LRBA: variants seen among roughly 807,000 people sequenced by gnomAD.
The protein encoded by LRBA is LPS responsive beige-like anchor protein.
In LRBA, 176 loss-of-function variants were observed where a neutral mutation model predicts 330.0. That is an observed-to-expected ratio of 0.53 (90% CI 0.47 to 0.60). The LOEUF (loss-of-function observed/expected upper bound fraction) is 0.60. Ranked by LOEUF, LRBA falls within the 20% of genes least tolerant of loss-of-function variation. LRBA has a pLI of 0.00. For synonymous variants in LRBA, 1,230 were observed against 1,193.0 expected, an observed-to-expected ratio of 1.03 and a Z score of -0.64; for missense variants, 3,259 against 3,444.8, an observed-to-expected ratio of 0.95 and a Z score of 1.35.
intron 5 of LRBA, among the ~76,000 whole-genome samples, chr4:150,918,385 G>A (rs1040894892): frequency 6.6e-6 from 1 of 152,110 alleles, no homozygotes; most frequent in Non-Finnish European, 1.5e-5. Context: ...TAGTCATAAA[G>A]GAAATGCAAA....
chr4:150,929,080 A>C lies in LRBA; in HGVS notation c.217-15T>G, dbSNP rs1734185489. ...CCTCCTACCAACTTACAAGGAAAAA[A>C]AAAAAACACATTAAAAGCATTAGTA... On this transcript the variant is annotated splice_polypyrimidine_tract_variant and intron_variant, in intron 2 of 56. Transcript: ENST00000651943. The C allele has an allele frequency of 6.5e-7, 1 of 1,543,938 alleles. No individual in the cohort carries two copies. The highest frequency in any genetic ancestry group is 8.9e-7 in the Non-Finnish European group (1 of 1,123,926).
At chr4:150,807,738 C>T (rs1451913394) in intron 32 of LRBA, among the ~76,000 whole-genome samples, 1 of 151,944 alleles carries the variant, frequency 6.6e-6, no homozygotes, top group African/African-American at 2.4e-5. Flanking sequence ...CTCTGCCTCC[C>T]GGGTTCAAGT....
In LRBA at chr4:150,837,185, T is replaced by C. The variant is rs145158607; in HGVS notation, c.4570-5209A>G. 9.4e-3 allele frequency among the ~76,000 whole-genome samples: 1,426 copies of C among 152,340 alleles called. 7 individuals are homozygous for C. Among genetic ancestry groups the C allele is most frequent in the Non-Finnish European group, 0.016 (1,066 of 68,032 alleles). ...TGGTTTGTTATAATTTCTGTTCTTT[T>C]ACATTTGCTGAGGAGTGCTTTACTT... On this transcript the variant is annotated intron_variant, in intron 28 of 56. Coordinates refer to ENST00000651943, the MANE Select transcript of LRBA (RefSeq NM_001364905.1).
At chr4:150,579,353 A>G (rs898750893) in intron 40 of LRBA, 3 of 454,924 alleles carry the variant, frequency 6.6e-6, no homozygotes, top group African/African-American at 4.0e-5. Context: ...AGAGGCAGCC[A>G]GAGTGAGTTG....
At chr4:150,981,113 T>TAA (rs753664464) in intron 2 of LRBA, among the ~76,000 whole-genome samples, 6 of 140,560 alleles carry the variant, frequency 4.3e-5, no homozygotes, top group East Asian at 2.0e-4. Context: ...TCAGAGAAAT[T>TAA]AAAAAAAAAA....
chr4:150,265,463 AT>A lies in LRBA; in HGVS notation c.*258del, dbSNP rs1745186528. 1 of 322,256 alleles carries A rather than the reference AT, an allele frequency of 3.1e-6. No homozygotes were observed. Among genetic ancestry groups the A allele is most frequent in the Non-Finnish European group, 5.9e-6 (1 of 168,118 alleles). The allele number at this position is 322,256 out of a possible 1,614,324, so 20.0% of individuals were successfully genotyped here. A position where few individuals can be genotyped will look rare whatever the true frequency, so the allele number is the denominator to read the frequency against. On this transcript the variant is annotated 3_prime_UTR_variant, in exon 57 of 57. Transcript: ENST00000651943. Reference sequence around the variant, plus strand: ...ACTTGCTCCACTGTATGTTTCCATAATTGGTGAAAATAGACTTCTCATTATG... The same window carrying A: ...ACTTGCTCCACTGTATGTTTCCATAATGGTGAAAATAGACTTCTCATTATG...
At chr4:150,566,266 C>T (rs1769121968) in intron 40 of LRBA, among the ~76,000 whole-genome samples, 1 of 151,994 alleles carries the variant, frequency 6.6e-6, no homozygotes, top group African/African-American at 2.4e-5. Context: ...ATGGAAATAA[C>T]CTTGTGCTTT....
At chr4:150,361,235 T>C (rs996610815) in intron 47 of LRBA, among the ~76,000 whole-genome samples, 2 of 152,220 alleles carry the variant, frequency 1.3e-5, no homozygotes, top group Non-Finnish European at 2.9e-5. Context: ...TCTGACTCTT[T>C]CTGCATTTTC....
chr4:150,354,549 TATA>T (rs1328609271), intron 47 of LRBA, among the ~76,000 whole-genome samples: 39 of 152,240 alleles, frequency 2.6e-4, no homozygotes, highest in African/African-American at 8.7e-4. Context: ...TCCAACACAA[TATA>T]ATAATATTCA....
intron 47 of LRBA, among the ~76,000 whole-genome samples, chr4:150,352,052 T>G (rs1273556649): frequency 6.6e-6 from 1 of 152,212 alleles, no homozygotes; most frequent in African/African-American, 2.4e-5. Flanking sequence ...AGCAAAACTG[T>G]GGATAAGGAG....
At chr4:150,487,015 CA>C (rs893058898) in intron 42 of LRBA, among the ~76,000 whole-genome samples, 3 of 151,640 alleles carry the variant, frequency 2.0e-5, no homozygotes, top group Non-Finnish European at 4.4e-5. Context: ...TATATACAAC[CA>C]AAATTTCTTT....
In LRBA at chr4:150,908,693, A is replaced by T. The variant is rs1001064348; in HGVS notation, c.1326T>A (p.Ile442=). The T allele has an allele frequency of 6.2e-7, 1 of 1,613,918 alleles. No homozygotes were observed. The highest frequency in any genetic ancestry group is 1.7e-5 in the Admixed American group (1 of 60,006). ...LESSPKDNPS[I]FVHSPHALML... ...TGAGTGCATGTGGTGAATGAACAAA[A>T]ATTGAAGGGTTGTCCTTAGGAGATG... The change falls in exon 10 of 57, where the codon ATT becomes ATA. Residue 442 remains isoleucine (I), a synonymous_variant. Transcript: ENST00000651943.
chr4:150,368,184 C>T (rs1011158948), intron 47 of LRBA, among the ~76,000 whole-genome samples: 2 of 152,086 alleles, frequency 1.3e-5, no homozygotes, highest in Non-Finnish European at 2.9e-5. Flanking sequence ...GATTTCAGTG[C>T]TCACTTCATA....
intron 9 of LRBA, among the ~76,000 whole-genome samples, chr4:150,911,886 C>T (rs771139914): frequency 3.7e-4 from 56 of 151,990 alleles, no homozygotes; most frequent in African/African-American, 7.2e-4. Context: ...TAGGTCTTTT[C>T]GGATTTTTTA....
At chr4:150,828,920 GGGGTGTGTGTGTGTGTGTGT>G (rs1479818258) in intron 29 of LRBA, among the ~76,000 whole-genome samples, 912 of 53,314 alleles carry the variant, frequency 0.017, 8 homozygotes, top group African/African-American at 0.034. Flanking sequence ...ATCTTTTTTG[GGGGTGTGTGTGTGTGTGTGT>G]GTGTGTGTGT....
At position 150,897,725 on chromosome 4, in the gene LRBA, C is replaced by T. The variant is rs1579131491; in HGVS notation, c.2004+14G>A. 6.3e-7 allele frequency: 1 copy of T among 1,580,706 alleles called. No individual in the cohort carries two copies. The highest frequency in any genetic ancestry group is 2.2e-5 in the East Asian group (1 of 44,624). On this transcript the variant is annotated intron_variant, in intron 15 of 56. Coordinates refer to ENST00000651943, the MANE Select transcript of LRBA (RefSeq NM_001364905.1). Reference sequence around the variant, plus strand: ...AATACACGGTATGCTATGGAATAAGCAACGTGAACTCACCTTCATCACTAA... The same window carrying T: ...AATACACGGTATGCTATGGAATAAGTAACGTGAACTCACCTTCATCACTAA...
At chr4:150,507,475 G>A (rs955525892) in intron 40 of LRBA, among the ~76,000 whole-genome samples, 22 of 148,414 alleles carry the variant, frequency 1.5e-4, no homozygotes, top group African/African-American at 5.3e-4. Flanking sequence ...CAAGAAATGA[G>A]GAAAGGATTC....
chr4:150,445,377 C>CTCTCTCTCTCTCTCTCTATATA (rs1454079183), intron 44 of LRBA, among the ~76,000 whole-genome samples: 1 of 78,606 alleles, frequency 1.3e-5, no homozygotes, highest in Non-Finnish European at 2.5e-5. Context: ...CTCTCTCTCT[C>CTCTCTCTCTCTCTCTCTATATA]TATATATATA....
intron 55 of LRBA, 138 bp from the exon 56 acceptor site, chr4:150,278,142 C>T (rs186944645): frequency 4.0e-5 from 28 of 694,314 alleles, no homozygotes; most frequent in East Asian, 3.7e-4. Flanking sequence ...TTTAGAAAAT[C>T]GTGAGTTGTA....
Sources: gnomAD v4.1 joint callset for allele counts (sites outside exome capture counted in the v4.1 genomes callset) on GRCh38, gnomAD v4.1.1 for gene constraint, MANE v1.5 for transcripts, NCBI Gene and HGNC (gene_info 2026-07-23, HGNC 2026-07-21) for gene names.